Variants in BCAS3 observed in about 807,000 individuals in gnomAD.
The protein encoded by BCAS3 is BCAS4/BCAS3 fusion.
In BCAS3, 53 loss-of-function variants were observed where a neutral mutation model predicts 116.1. That is an observed-to-expected ratio of 0.46 (90% CI 0.37 to 0.57). BCAS3 has a LOEUF of 0.57. Among genes scored for constraint, BCAS3 ranks in the 20% least tolerant of loss-of-function variants. The probability of loss-of-function intolerance (pLI) is 0.00; values close to 1 mark genes in which losing one functional copy is unlikely to be tolerated. For synonymous variants in BCAS3, 391 were observed against 408.2 expected, an observed-to-expected ratio of 0.96 and a Z score of 0.51; for missense variants, 917 against 1,165.4, an observed-to-expected ratio of 0.79 and a Z score of 3.10.
In BCAS3 at chr17:61,379,255, G is replaced by C. The variant is rs542951638; in HGVS notation, c.2593+10761G>C. On this transcript the variant is annotated intron_variant, in intron 23 of 23. Coordinates refer to ENST00000407086, the MANE Select transcript of BCAS3 (RefSeq NM_017679.5). This position sits in a 1 kb window ranked among gnomAD's most constrained non-coding sequence, Gnocchi z 5.5. Reference sequence around the variant, plus strand: ...TGAGATTCTGAACAAAGTTGAACGCGGTCATGGATGGTTAAATTCCCACCT... The same window carrying C: ...TGAGATTCTGAACAAAGTTGAACGCCGTCATGGATGGTTAAATTCCCACCT... The C allele has an allele frequency of 6.6e-6, 1 of 152,336 alleles. No individual in the cohort carries two copies. The highest frequency in any genetic ancestry group is 1.9e-4 in the East Asian group (1 of 5,188). The allele number at this position is 152,336 out of a possible 1,614,324, so 9.4% of individuals were successfully genotyped here.
chr17:61,055,188 A>T (rs2143237904), intron 19 of BCAS3, among the ~76,000 whole-genome samples: 1 of 152,320 alleles, frequency 6.6e-6, no homozygotes, highest in South Asian at 2.1e-4. Flanking sequence ...TGATATTGGC[A>T]GGAGCTTGTG....
intron 22 of BCAS3, among the ~76,000 whole-genome samples, chr17:61,202,502 T>A (rs8070566): frequency 0.068 from 10,290 of 152,018 alleles, 652 homozygotes; most frequent in African/African-American, 0.16. Context: ...CTTTTTTTTT[T>A]AAAATATTAC....
intron 22 of BCAS3, among the ~76,000 whole-genome samples, chr17:61,167,940 C>T (rs1458428874): frequency 6.6e-6 from 1 of 152,202 alleles, no homozygotes; most frequent in Non-Finnish European, 1.5e-5. Flanking sequence ...ACACATGCCT[C>T]AGTGCTAAAA....
In BCAS3 at chr17:61,366,084, C is replaced by T. The variant is rs572182655; in HGVS notation, c.2426-2243C>T. Among the ~76,000 whole-genome samples the T allele has an allele frequency of 4.6e-5, 7 of 151,410 alleles. No individual in the cohort carries two copies. Among genetic ancestry groups the T allele is most frequent in the African/African-American group, 7.3e-5 (3 of 41,190 alleles). ...CCTGGACCCAGGAGGCAGAGGTTGC[C>T]GTGAGCCAAGATCATACCACTGCAC... On this transcript the variant is annotated intron_variant, in intron 22 of 23. Transcript: ENST00000407086. This position sits in a 1 kb window ranked among gnomAD's most constrained non-coding sequence, Gnocchi z 4.5.
intron 13 of BCAS3, among the ~76,000 whole-genome samples, chr17:60,942,574 A>T (rs1020991348): frequency 2.0e-5 from 3 of 152,188 alleles, no homozygotes; most frequent in Admixed American, 6.5e-5. Flanking sequence ...AGGTTTAATA[A>T]TTTATTAAAT....
At chr17:60,900,882 A>G (rs573215895) in intron 10 of BCAS3, among the ~76,000 whole-genome samples, 3 of 152,166 alleles carry the variant, frequency 2.0e-5, no homozygotes, top group South Asian at 2.1e-4. Flanking sequence ...ACTTTTGTGT[A>G]GAACTGCTGA....
chr17:61,144,669 G>A lies in BCAS3; in HGVS notation c.2425+60105G>A, dbSNP rs62082941. Among the ~76,000 whole-genome samples the A allele has an allele frequency of 2.3e-4, 35 of 152,058 alleles. No homozygotes were observed. Among genetic ancestry groups the A allele is most frequent in the Non-Finnish European group, 3.8e-4 (26 of 68,022 alleles). ...CATTTAACAATACAATATTTCTCTC[G>A]TGTTCTTGAGCATGTATTTAAGTTA... is the stretch of plus-strand genomic sequence containing the variant. On this transcript the variant is annotated intron_variant, in intron 22 of 23. Coordinates refer to ENST00000407086, the MANE Select transcript of BCAS3 (RefSeq NM_017679.5). The surrounding 1 kb of genome is among the most constrained non-coding windows in gnomAD (Gnocchi z 5.0).
At position 61,265,089 on chromosome 17, in the gene BCAS3, T is replaced by A. The variant is rs933952076; in HGVS notation, c.2426-103238T>A. 6.6e-6 allele frequency among the ~76,000 whole-genome samples: 1 copy of A among 152,142 alleles called. No individual in the cohort carries two copies. The highest frequency in any genetic ancestry group is 1.5e-5 in the Non-Finnish European group (1 of 68,034). On this transcript the variant is annotated intron_variant, in intron 22 of 23. Transcript: ENST00000407086. This position sits in a 1 kb window ranked among gnomAD's most constrained non-coding sequence, Gnocchi z 4.3. ...ACATTAGTTACCTCACCGGGTTAGT[T>A]TGACAATTACATGGAGTACTATATA...
At chr17:60,716,957 T>C (rs1349309474) in intron 5 of BCAS3, among the ~76,000 whole-genome samples, 1 of 152,140 alleles carries the variant, frequency 6.6e-6, no homozygotes, top group Admixed American at 6.5e-5. Flanking sequence ...GTCATTCTCT[T>C]TGTGGAATTT....
Position 60,994,571 on chromosome 17 carries a change from C to G in BCAS3, c.1486+4336C>G, listed in dbSNP as rs1173085910. ...ATAAATATGATCTGCCAATTTTCTG[C>G]TTAAGATCTTTGTGTCTCACCATAT... On this transcript the variant is annotated intron_variant, in intron 15 of 23. Transcript: ENST00000407086. This position sits in a 1 kb window ranked among gnomAD's most constrained non-coding sequence, Gnocchi z 4.4. Among the ~76,000 whole-genome samples the G allele has an allele frequency of 6.6e-6, 1 of 152,160 alleles. No homozygotes were observed. The highest frequency in any genetic ancestry group is 1.5e-5 in the Non-Finnish European group (1 of 68,022).
intron 13 of BCAS3, among the ~76,000 whole-genome samples, chr17:60,935,164 T>C (rs1001710523): frequency 3.3e-5 from 5 of 152,076 alleles, no homozygotes; most frequent in Middle Eastern, 3.4e-3. Flanking sequence ...CTTATTAACA[T>C]AGACGAAATG....
intron 22 of BCAS3, among the ~76,000 whole-genome samples, chr17:61,299,408 A>G (rs1418918595): frequency 7.3e-6 from 1 of 137,064 alleles, no homozygotes; most frequent in Non-Finnish European, 1.5e-5. Context: ...GCACCATTGC[A>G]CTCCAGCCTG....
rs80146190 is a variant in BCAS3 at position 60,902,448 on chromosome 17, G to T, written c.739-172G>T. Among the ~76,000 whole-genome samples, 15 of 152,302 alleles carry T rather than the reference G, an allele frequency of 9.8e-5. No homozygotes were observed. In the East Asian group the frequency reaches 2.1e-3, roughly 22 times the overall value. On this transcript the variant is annotated intron_variant, in intron 10 of 23. Transcript: ENST00000407086. ...AGTGGCACCAGTAGATTATAAAAAG[G>T]GGTAGAAGTGTCTCGGCAAAGCTTT...
intron 7 of BCAS3, among the ~76,000 whole-genome samples, chr17:60,854,017 A>G (rs1377130853): frequency 6.6e-6 from 1 of 152,092 alleles, no homozygotes; most frequent in South Asian, 2.1e-4. Flanking sequence ...CGTCTTTTAC[A>G]TTAGGTTTAT....
At chr17:60,799,735 T>TTTTTTTTTTTTTTTTTTTTTTA in intron 6 of BCAS3, among the ~76,000 whole-genome samples, 1 of 100,566 alleles carries the variant, frequency 9.9e-6, no homozygotes, top group African/African-American at 3.5e-5. Flanking sequence ...TTTTTTTTTT[T>TTTTTTTTTTTTTTTTTTTTTTA]AGTAGAACTG....
At chr17:60,770,081 G>C (rs2044510715) in intron 6 of BCAS3, among the ~76,000 whole-genome samples, 1 of 152,144 alleles carries the variant, frequency 6.6e-6, no homozygotes, top group Admixed American at 6.5e-5. Flanking sequence ...TCCAAGTTTG[G>C]TTCTTAGAAT....
rs1354567499 is a variant in BCAS3, at chr17:61,222,019, ATATTAC to A, written c.2425+137467_2425+137472del. 2.6e-5 allele frequency among the ~76,000 whole-genome samples: 4 copies of A among 152,204 alleles called. No individual in the cohort carries two copies. The highest frequency in any genetic ancestry group is 6.5e-5 in the Admixed American group (1 of 15,282). On this transcript the variant is annotated intron_variant, in intron 22 of 23. Transcript: ENST00000407086. The surrounding 1 kb of genome is among the most constrained non-coding windows in gnomAD (Gnocchi z 6.1). ...ACGGTGACGTGCTTAACAGGGGCTG[ATATTAC>A]TATTACTATTAAGAATACATACCTG...
rs1232764736 is a variant in BCAS3, at chr17:61,378,990, G to A, written c.2593+10496G>A. 2 of 152,228 alleles carry A rather than the reference G, an allele frequency of 1.3e-5. No individual in the cohort carries two copies. The highest frequency in any genetic ancestry group is 2.9e-5 in the Non-Finnish European group (2 of 68,078). 9.4% of individuals were successfully genotyped at this position (152,228 alleles called of 1,614,324 possible). A position where few individuals can be genotyped will look rare whatever the true frequency, so the allele number is the denominator to read the frequency against. On this transcript the variant is annotated intron_variant, in intron 23 of 23. Coordinates refer to ENST00000407086, the MANE Select transcript of BCAS3 (RefSeq NM_017679.5). This position sits in a 1 kb window ranked among gnomAD's most constrained non-coding sequence, Gnocchi z 5.8. The stretch of plus-strand genomic sequence containing the variant: ...ATCAACAAGGAGGAAGTGCCAGTGC[G>A]ACCTCTGTGACCCTTCAGAGTCCCC...
At chr17:60,804,612 G>A (rs955121081) in intron 6 of BCAS3, among the ~76,000 whole-genome samples, 114 of 152,074 alleles carry the variant, frequency 7.5e-4, no homozygotes, top group African/African-American at 2.0e-3. Context: ...TCGTTGTGTT[G>A]TTTTGCAGCG....
Sources: allele counts gnomAD v4.1 joint callset (sites outside exome capture counted in the v4.1 genomes callset), GRCh38; gene constraint gnomAD v4.1.1; non-coding constraint Gnocchi (gnomAD v3.1); transcripts MANE v1.5; gene names NCBI Gene and HGNC (gene_info 2026-07-23, HGNC 2026-07-21).